Variants in PSMD7 observed in about 807,000 individuals in gnomAD.
PSMD7 encodes the protein 26S proteasome non-ATPase regulatory subunit 7.
Under a neutral mutation model 36.4 loss-of-function variants are expected in PSMD7, and 13 were observed. That is an observed-to-expected ratio of 0.36 (90% CI 0.23 to 0.57). The LOEUF (loss-of-function observed/expected upper bound fraction) is 0.57. Among genes scored for constraint, PSMD7 ranks in the 20% least tolerant of loss-of-function variants. PSMD7 has a pLI of 0.83. For missense variants in PSMD7, 298 were observed against 393.6 expected (o/e 0.76, Z 2.06); for synonymous variants, 186 against 151.0 (o/e 1.23, Z -1.70).
rs1251210733 is a variant in PSMD7 at position 74,301,212 on chromosome 16, C to T, written c.259+68C>T. 5.8e-5 allele frequency: 63 copies of T among 1,082,954 alleles called. No homozygotes were observed. The Middle Eastern group carries it at 8.0e-4, about 14-fold the overall frequency. The allele number at this position is 1,082,954 out of a possible 1,614,324, so 67.1% of individuals were successfully genotyped here. On this transcript the variant is annotated intron_variant, in intron 3 of 6. Transcript: ENST00000219313. The stretch of plus-strand genomic sequence containing the variant: ...TGTGTGTATGGGGGTCTTCTGTTCG[C>T]TTTTCTTTAACATCAAGGGCCCTTT...
At chr16:74,298,659 T>G (rs1485060129) in intron 1 of PSMD7, among the ~76,000 whole-genome samples, 1 of 151,512 alleles carries the variant, frequency 6.6e-6, no homozygotes, top group Non-Finnish European at 1.5e-5. Flanking sequence ...GCTTAGGAGT[T>G]CAAGACCAGC....
At position 74,296,921 on chromosome 16, in the gene PSMD7, G is replaced by C. The variant is rs771152068; in HGVS notation, c.7G>C (p.Glu3Gln). The C allele has an allele frequency of 5.6e-6, 9 of 1,613,336 alleles. No individual in the cohort carries two copies. The South Asian group carries it at 8.8e-5, about 16-fold the overall frequency. Residue 3 changes from glutamate to glutamine, a missense_variant, in exon 1 of 7, where the codon GAG becomes CAG. By Grantham distance (29) the Glu-to-Gln change is conservative. Transcript: ENST00000219313. MP[E>Q]LAVQKVVVHP... ...GCGAGCGGGGTGTGTCGCGATGCCG[G>C]AGCTGGCAGTGCAGAAGGTGGTGGT...
rs1049700015 is a variant in PSMD7 at position 74,301,542 on chromosome 16, T to C, written c.260-13T>C. 1.9e-6 allele frequency: 3 copies of C among 1,584,688 alleles called. No individual in the cohort carries two copies. The African/African-American group carries it at 4.1e-5, about 21-fold the overall frequency. ...TGAAATAGTTAAAGCCTGCTAATTTTTTTCCTTCCTAGCCAGGGAAAGAAT... is the reference window on the plus strand; with the variant it reads ...TGAAATAGTTAAAGCCTGCTAATTTCTTTCCTTCCTAGCCAGGGAAAGAAT... On this transcript the variant is annotated splice_polypyrimidine_tract_variant and intron_variant, in intron 3 of 6. Coordinates refer to ENST00000219313, the MANE Select transcript of PSMD7 (RefSeq NM_002811.5).
chr16:74,300,753 T>C (rs749339366), intron 2 of PSMD7, among the ~76,000 whole-genome samples: 9 of 152,170 alleles, frequency 5.9e-5, no homozygotes, highest in Admixed American at 2.0e-4. Flanking sequence ...TTGAAAAATA[T>C]CAGGAAGTAA....
chr16:74,304,140 C>CT, intron 5 of PSMD7, 163 bp from the exon 6 acceptor site: 1 of 607,268 alleles, frequency 1.6e-6, no homozygotes, highest in Non-Finnish European at 3.0e-6. Context: ...GCTTTGAAGG[C>CT]TAAGCTTTCA....
At chr16:74,298,334 T>C (rs1379876091) in intron 1 of PSMD7, among the ~76,000 whole-genome samples, 2 of 152,122 alleles carry the variant, frequency 1.3e-5, no homozygotes, top group Admixed American at 1.3e-4. Context: ...TTTTACAAGA[T>C]TGTTAGTTGA....
At chr16:74,299,965 AC>A (rs2034142835) in intron 1 of PSMD7, 149 bp from the exon 2 acceptor site, 2 of 700,428 alleles carry the variant, frequency 2.9e-6, no homozygotes, top group Admixed American at 2.5e-5. Flanking sequence ...GTTAATATCA[AC>A]CTAACCCTAT....
intron 6 of PSMD7, 97 bp downstream of exon 6, chr16:74,304,491 CGT>C: frequency 6.0e-6 from 6 of 999,506 alleles, no homozygotes; most frequent in Non-Finnish European, 9.0e-6. Flanking sequence ...CCTGGGGTCT[CGT>C]CCTGGCCGTC....
chr16:74,298,411 T>A (rs895388236), intron 1 of PSMD7, among the ~76,000 whole-genome samples: 1 of 152,166 alleles, frequency 6.6e-6, no homozygotes. Context: ...GTGTCCATTC[T>A]CCCGCAACTT....
intron 5 of PSMD7, among the ~76,000 whole-genome samples, chr16:74,303,103 AG>A (rs1247140505): frequency 1.3e-5 from 2 of 152,194 alleles, no homozygotes; most frequent in African/African-American, 4.8e-5. Context: ...TGTTTTTAGT[AG>A]GGGATAAAGG....
rs749973426 is a variant in PSMD7, at chr16:74,296,965, C to T, written c.51C>T (p.Leu17=). 31 of 1,613,020 alleles carry T rather than the reference C, an allele frequency of 1.9e-5. No homozygotes were observed. The South Asian group carries it at 2.9e-4, about 15-fold the overall frequency. ...QKVVVHPLVL[L]SVVDHFNRIG... ...TGGTGGTCCACCCCCTGGTGCTGCT[C>T]AGTGTGGTGGATCATTTCAACCGGT... The change falls in exon 1 of 7, where the codon CTC becomes CTT. Residue 17 remains leucine (L), a synonymous_variant. Transcript: ENST00000219313.
At chr16:74,297,105 CCTTA>C in intron 1 of PSMD7, 117 bp downstream of exon 1, 1 of 1,119,704 alleles carries the variant, frequency 8.9e-7, no homozygotes. Context: ...GGCTGGTGAC[CCTTA>C]CTTGTTCACG....
In PSMD7 at chr16:74,305,735, A is replaced by G; in HGVS notation, c.*2A>G. 2.8e-6 allele frequency: 4 copies of G among 1,419,676 alleles called. No individual in the cohort carries two copies. The highest frequency in any genetic ancestry group is 3.7e-6 in the Non-Finnish European group (4 of 1,080,226). 87.9% of individuals were successfully genotyped at this position (1,419,676 alleles called of 1,614,324 possible). On this transcript the variant is annotated 3_prime_UTR_variant, in exon 7 of 7. Coordinates refer to ENST00000219313, the MANE Select transcript of PSMD7 (RefSeq NM_002811.5). ...GAGGAGAAAAAGGAGAAAAAGTAAA[A>G]CATGTATTAAATAGCTTTTTTAATT...
intron 1 of PSMD7, among the ~76,000 whole-genome samples, chr16:74,298,369 C>G (rs2034130288): frequency 6.6e-6 from 1 of 152,130 alleles, no homozygotes; most frequent in Non-Finnish European, 1.5e-5. Context: ...AGACCCAGTT[C>G]AGAGCATCTG....
Position 74,299,465 on chromosome 16 carries a change from G to C in PSMD7, c.75-650G>C, listed in dbSNP as rs538231127. ...GCTCACTGTAGCTAGCCTCAAACTC[G>C]ACCTTCTGAGCTCAAGTAGTCCCTG... On this transcript the variant is annotated intron_variant, in intron 1 of 6. Coordinates refer to ENST00000219313, the MANE Select transcript of PSMD7 (RefSeq NM_002811.5). 1.7e-5 allele frequency: 7 copies of C among 405,842 alleles called. No individual in the cohort carries two copies. In the East Asian group the frequency reaches 3.2e-4, roughly 19 times the overall value. The allele number at this position is 405,842 out of a possible 1,614,324, so 25.1% of individuals were successfully genotyped here.
chr16:74,300,991 T>A, intron 2 of PSMD7, 61 bp from the exon 3 acceptor site: 2 of 1,045,272 alleles, frequency 1.9e-6, no homozygotes, highest in Non-Finnish European at 2.9e-6. Flanking sequence ...GGTCTTCAAT[T>A]GTGACCTGTG....
intron 2 of PSMD7, 130 bp downstream of exon 2, chr16:74,300,336 G>A (rs2034146042): frequency 3.6e-6 from 3 of 844,486 alleles, no homozygotes; most frequent in East Asian, 2.7e-5. Flanking sequence ...GTATAGAAAA[G>A]AGAACCTGAA....
chr16:74,297,203 C>T (rs1449290464), intron 1 of PSMD7, among the ~76,000 whole-genome samples: 1 of 152,370 alleles, frequency 6.6e-6, no homozygotes, highest in South Asian at 2.1e-4. Context: ...GGGGCCTTGG[C>T]TGCCTGTTCC....
chr16:74,297,562 C>T (rs894072691), intron 1 of PSMD7, among the ~76,000 whole-genome samples: 1 of 151,942 alleles, frequency 6.6e-6, no homozygotes, highest in Non-Finnish European at 1.5e-5. Context: ...CCATTTAGCC[C>T]CGCCCCAAGG....
Sources: allele counts gnomAD v4.1 joint callset (sites outside exome capture counted in the v4.1 genomes callset), GRCh38; gene constraint gnomAD v4.1.1; transcripts MANE v1.5; gene names NCBI Gene and HGNC (gene_info 2026-07-23, HGNC 2026-07-21).